GLP2R: variants seen among roughly 807,000 people sequenced by gnomAD.
GLP2R encodes glucagon like peptide 2 receptor, also known as glucagon-like peptide 2 receptor.
Under a neutral mutation model 68.2 loss-of-function variants are expected in GLP2R, and 59 were observed. The observed-to-expected ratio is 0.87, with a 90% CI of 0.70 to 1.07. The LOEUF (loss-of-function observed/expected upper bound fraction) is 1.07, where lower values mean the gene tolerates loss of function less well. GLP2R is among the 50% of genes least tolerant of loss of function. GLP2R has a pLI of 0.00. For missense variants in GLP2R, 548 were observed against 677.4 expected (o/e 0.81, Z 2.12); for synonymous variants, 270 against 265.4 (o/e 1.02, Z -0.17).
chr17:9,845,892 C>T (rs563247866), intron 4 of GLP2R, among the ~76,000 whole-genome samples: 228 of 152,084 alleles, frequency 1.5e-3, no homozygotes, highest in African/African-American at 5.2e-3. Flanking sequence ...AGTCTACTTT[C>T]GTAGAGGTCT....
intron 4 of GLP2R, chr17:9,853,080 G>A (rs937101550): frequency 2.8e-5 from 15 of 530,748 alleles, no homozygotes; most frequent in Non-Finnish European, 4.2e-5. Context: ...TTTCAAAGTC[G>A]CCAGTGTTAC....
intron 3 of GLP2R, among the ~76,000 whole-genome samples, chr17:9,838,895 C>G (rs1411119383): frequency 6.6e-6 from 1 of 152,162 alleles, no homozygotes; most frequent in East Asian, 1.9e-4. Flanking sequence ...CGCCTGTAGT[C>G]CCAGCTACTC....
At position 9,890,879 on chromosome 17, in the gene GLP2R, T is replaced by G. The variant is rs567458530; in HGVS notation, c.*1174T>G. Reference sequence around the variant, plus strand: ...GATCTTTCCTGCCTACTGTGACCCATGGAGGCTGAGGAGGGCCCAGGCAGT... The same window carrying G: ...GATCTTTCCTGCCTACTGTGACCCAGGGAGGCTGAGGAGGGCCCAGGCAGT... On this transcript the variant is annotated 3_prime_UTR_variant, in exon 13 of 13. Coordinates refer to ENST00000262441, the MANE Select transcript of GLP2R (RefSeq NM_004246.3). The G allele has an allele frequency of 6.6e-6, 1 of 152,214 alleles. No individual in the cohort carries two copies. Among genetic ancestry groups the G allele is most frequent in the African/African-American group, 2.4e-5 (1 of 41,390 alleles). The allele number at this position is 152,214 out of a possible 1,614,324, so 9.4% of individuals were successfully genotyped here. A position where few individuals can be genotyped will look rare whatever the true frequency, so the allele number is the denominator to read the frequency against.
intron 10 of GLP2R, among the ~76,000 whole-genome samples, chr17:9,873,458 C>T (rs957767383): frequency 3.3e-5 from 5 of 150,792 alleles, no homozygotes; most frequent in South Asian, 2.1e-4. Context: ...TCCATAAATG[C>T]GGGATAGAAC....
intron 12 of GLP2R, among the ~76,000 whole-genome samples, chr17:9,888,874 TC>T (rs1398470716): frequency 1.3e-5 from 2 of 152,222 alleles, no homozygotes; most frequent in Non-Finnish European, 2.9e-5. Flanking sequence ...AGGTGTTTTC[TC>T]CTGTCTTTAG....
Position 9,847,327 on chromosome 17 carries a change from T to A in GLP2R, c.504+4711T>A, listed in dbSNP as rs375727199. Among the ~76,000 whole-genome samples, 4 of 152,256 alleles carry A rather than the reference T, an allele frequency of 2.6e-5. No homozygotes were observed. The South Asian group carries it at 8.3e-4, about 32-fold the overall frequency. On this transcript the variant is annotated intron_variant, in intron 4 of 12. Coordinates refer to ENST00000262441, the MANE Select transcript of GLP2R (RefSeq NM_004246.3). ...TCTTGTTGCCCAAGCTGGAATGCAG[T>A]GGCACGATCTCGGCTCACTGCAACC... is the stretch of plus-strand genomic sequence containing the variant.
chr17:9,825,955 G>T lies in GLP2R; in HGVS notation c.-109G>T. ...TCTCGGCGCAGCGTGGAGAGGATTT[G>T]TGCAAACATTTCCTCTGTGGACCAA... is the stretch of plus-strand genomic sequence containing the variant. On this transcript the variant is annotated 5_prime_UTR_variant, in exon 1 of 13. Coordinates refer to ENST00000262441, the MANE Select transcript of GLP2R (RefSeq NM_004246.3). 1.1e-6 allele frequency: 1 copy of T among 898,718 alleles called. No homozygotes were observed. 55.7% of individuals were successfully genotyped at this position (898,718 alleles called of 1,614,324 possible).
intron 11 of GLP2R, among the ~76,000 whole-genome samples, chr17:9,880,944 C>T (rs576051295): frequency 1.3e-5 from 2 of 152,238 alleles, no homozygotes; most frequent in Admixed American, 1.3e-4. Context: ...GGCTATTGAA[C>T]CTTGACAGAT....
chr17:9,844,391 G>A (rs1488736433), intron 4 of GLP2R, among the ~76,000 whole-genome samples: 3 of 152,114 alleles, frequency 2.0e-5, no homozygotes, highest in African/African-American at 7.2e-5. Flanking sequence ...GGAGGCAGAA[G>A]GCAGGGACAA....
At chr17:9,860,980 A>C (rs1343917217) in intron 7 of GLP2R, among the ~76,000 whole-genome samples, 159 bp from the exon 8 acceptor site, 1 of 152,172 alleles carries the variant, frequency 6.6e-6, no homozygotes, top group Non-Finnish European at 1.5e-5. Flanking sequence ...TGGATGGGCC[A>C]TGTGCCACCC....
chr17:9,844,668 C>CTT (rs71139004), intron 4 of GLP2R, among the ~76,000 whole-genome samples: 1,251 of 44,266 alleles, frequency 0.028, 489 homozygotes, highest in Non-Finnish European at 0.051. Context: ...CTACCTAATT[C>CTT]TTTTTTTTTT....
chr17:9,869,729 AAG>A (rs144426970), intron 9 of GLP2R, among the ~76,000 whole-genome samples: 1 of 151,306 alleles, frequency 6.6e-6, no homozygotes, highest in Non-Finnish European at 1.5e-5. Flanking sequence ...TGAGAAACCT[AAG>A]AGAGAGAGAG....
chr17:9,883,440 T>A (rs2067214703), intron 11 of GLP2R, among the ~76,000 whole-genome samples: 1 of 152,116 alleles, frequency 6.6e-6, no homozygotes, highest in Non-Finnish European at 1.5e-5. Flanking sequence ...AGAATAAATA[T>A]TTGGATAAAT....
chr17:9,856,432 T>C lies in GLP2R; in HGVS notation c.612-991T>C, dbSNP rs918910698. On this transcript the variant is annotated intron_variant, in intron 5 of 12. Coordinates refer to ENST00000262441, the MANE Select transcript of GLP2R (RefSeq NM_004246.3). ...CAGGTCCTTTTAGAAACTAAAAATA[T>C]AACAATAGCTTTAAAGCAATATAGG... is the stretch of plus-strand genomic sequence containing the variant. Among the ~76,000 whole-genome samples the C allele has an allele frequency of 1.1e-4, 16 of 152,258 alleles. No homozygotes were observed. In the Middle Eastern group the frequency reaches 0.014, roughly 129 times the overall value.
intron 10 of GLP2R, among the ~76,000 whole-genome samples, chr17:9,877,378 C>T (rs995669785): frequency 6.6e-6 from 1 of 152,112 alleles, no homozygotes; most frequent in African/African-American, 2.4e-5. Flanking sequence ...TAGACAATCC[C>T]TTCATGTCTC....
rs767705014 is a variant in GLP2R, at chr17:9,857,553, G to A, written c.742G>A (p.Gly248Arg). ...CTCCAAGAGGCCTGACAATGAGAAT[G>A]GGTGGATGTCCTACCTGTCAGAGGT... ...SYSKRPDNEN[G>R]WMSYLSEMST... Residue 248 changes from glycine to arginine, a missense_variant, in exon 6 of 13, where the codon GGG becomes AGG. By Grantham distance (125) the Gly-to-Arg change is moderately radical (BLOSUM62 -2). Transcript: ENST00000262441. 6.2e-7 allele frequency: 1 copy of A among 1,614,188 alleles called. No individual in the cohort carries two copies. Among genetic ancestry groups the A allele is most frequent in the Non-Finnish European group, 8.5e-7 (1 of 1,180,028 alleles).
rs549380806 is a variant in GLP2R, at chr17:9,864,792, G to A, written c.1056+2702G>A. 7.2e-5 allele frequency among the ~76,000 whole-genome samples: 11 copies of A among 152,190 alleles called. No individual in the cohort carries two copies. In the East Asian group the frequency reaches 1.5e-3, roughly 21 times the overall value. ...CCCACCTCGGCCTCCCAGACTGCTGGGATTTCAGGCATGAGCCACCGTGTC... is the reference window on the plus strand; with the variant it reads ...CCCACCTCGGCCTCCCAGACTGCTGAGATTTCAGGCATGAGCCACCGTGTC... On this transcript the variant is annotated intron_variant, in intron 9 of 12. Coordinates refer to ENST00000262441, the MANE Select transcript of GLP2R (RefSeq NM_004246.3).
intron 10 of GLP2R, among the ~76,000 whole-genome samples, chr17:9,873,580 A>C (rs376828688): frequency 1.1e-4 from 1 of 8,892 alleles, no homozygotes; most frequent in Admixed American, 8.8e-4. Flanking sequence ...TTTTTTTTTT[A>C]GCTCATCAGC....
chr17:9,860,225 A>G (rs543838052), intron 7 of GLP2R, 124 bp downstream of exon 7: 1 of 886,750 alleles, frequency 1.1e-6, no homozygotes, highest in African/African-American at 1.7e-5. Context: ...AAGTCCTCAA[A>G]GACAGGGAGC....
Sources: gnomAD v4.1 joint callset for allele counts (sites outside exome capture counted in the v4.1 genomes callset) on GRCh38, gnomAD v4.1.1 for gene constraint, MANE v1.5 for transcripts, NCBI Gene and HGNC (gene_info 2026-07-23, HGNC 2026-07-21) for gene names.